The following CADM2 variants were observed in gnomAD, a reference collection of about 807,000 sequenced individuals.
CADM2 encodes the protein cell adhesion molecule 2, also known as immunoglobulin superfamily member 4D.
In CADM2, 12 loss-of-function variants were observed where a neutral mutation model predicts 49.8. The ratio of observed to expected loss-of-function variants is 0.24; its 90% CI spans 0.15 to 0.39. CADM2 has a LOEUF of 0.39. Ranked by LOEUF, CADM2 falls within the 10% of genes least tolerant of loss-of-function variation. CADM2 has a pLI of 1.00. For synonymous variants in CADM2, 214 were observed against 175.4 expected (o/e 1.22, Z -1.74); for missense variants, 378 against 492.3 (o/e 0.77, Z 2.20).
Position 85,681,098 on chromosome 3 carries a change from C to T in CADM2, c.62-45424C>T, listed in dbSNP as rs563205390. Among the ~76,000 whole-genome samples the T allele has an allele frequency of 5.3e-5, 8 of 152,236 alleles. No individual in the cohort carries two copies. The South Asian group carries it at 1.5e-3, about 28-fold the overall frequency. ...TGGACAACTCCTGTAAATAAATACTCAGCATGTCATGAAAAATTCTACCAC... is the reference window on the plus strand; with the variant it reads ...TGGACAACTCCTGTAAATAAATACTTAGCATGTCATGAAAAATTCTACCAC... On this transcript the variant is annotated intron_variant, in intron 1 of 9. Transcript: ENST00000383699.
At chr3:85,543,420 A>ATGTGTGTGGGGGGGGTGTGTGTGTG (rs372108050) in intron 1 of CADM2, among the ~76,000 whole-genome samples, 5 of 129,584 alleles carry the variant, frequency 3.9e-5, no homozygotes. Context: ...TGCCAAGCTA[A>ATGTGTGTGGGGGGGGTGTGTGTGTG]TGTGTGTGTG....
intron 1 of CADM2, among the ~76,000 whole-genome samples, chr3:85,531,708 C>T (rs763144179): frequency 3.4e-4 from 52 of 152,038 alleles, no homozygotes; most frequent in Non-Finnish European, 6.6e-4. Context: ...AAGTTATTTT[C>T]CCCCAGTCTA....
At chr3:85,751,088 G>A (rs1370095216) in intron 2 of CADM2, among the ~76,000 whole-genome samples, 3 of 152,034 alleles carry the variant, frequency 2.0e-5, no homozygotes, top group African/African-American at 7.2e-5. Context: ...GTCAAAATTG[G>A]AGGTCCTAAT....
chr3:85,908,800 C>T (rs1466288753), intron 5 of CADM2, among the ~76,000 whole-genome samples: 3 of 151,472 alleles, frequency 2.0e-5, no homozygotes, highest in African/African-American at 7.3e-5. Context: ...TCTCTGCTCA[C>T]TGCAACCTCC....
chr3:85,717,111 A>G (rs192797423), intron 1 of CADM2, among the ~76,000 whole-genome samples: 2 of 152,248 alleles, frequency 1.3e-5, no homozygotes, highest in African/African-American at 4.8e-5. Flanking sequence ...TATGATATTT[A>G]TTCTTCCTAT....
chr3:85,085,329 G>C (rs1263698596), intron 1 of CADM2, among the ~76,000 whole-genome samples: 1 of 152,060 alleles, frequency 6.6e-6, no homozygotes, highest in East Asian at 1.9e-4. Flanking sequence ...TTCAGTGCCA[G>C]CTTGTTTCAC....
chr3:85,427,051 T>G (rs993028444), intron 1 of CADM2, among the ~76,000 whole-genome samples: 5 of 151,496 alleles, frequency 3.3e-5, no homozygotes, highest in South Asian at 4.2e-4. Flanking sequence ...TTTCCATGTA[T>G]ATGACTAATT....
At chr3:85,058,433 CTT>C (rs1315703307) in intron 1 of CADM2, among the ~76,000 whole-genome samples, 1 of 151,798 alleles carries the variant, frequency 6.6e-6, no homozygotes, top group Non-Finnish European at 1.5e-5. Flanking sequence ...GTTAAAATGA[CTT>C]TCTTTTTTTT....
chr3:85,000,975 C>A (rs2033434227), intron 1 of CADM2, among the ~76,000 whole-genome samples: 1 of 152,048 alleles, frequency 6.6e-6, no homozygotes, highest in African/African-American at 2.4e-5. Flanking sequence ...ATGTTATAAT[C>A]AATGCATTTC....
At chr3:85,428,674 A>G (rs929094060) in intron 1 of CADM2, among the ~76,000 whole-genome samples, 20 of 143,974 alleles carry the variant, frequency 1.4e-4, no homozygotes, top group Non-Finnish European at 3.0e-5. Context: ...ATCATATATA[A>G]TATATCATAT....
intron 8 of CADM2, among the ~76,000 whole-genome samples, chr3:85,973,075 A>C (rs1471625043): frequency 6.6e-6 from 1 of 151,734 alleles, no homozygotes; most frequent in Non-Finnish European, 1.5e-5. Context: ...ATCATCTCAC[A>C]CATGATAAAA....
chr3:85,985,021 A>G (rs1232422879), intron 8 of CADM2, among the ~76,000 whole-genome samples: 1 of 151,990 alleles, frequency 6.6e-6, no homozygotes, highest in Non-Finnish European at 1.5e-5. Flanking sequence ...TATTGACAAA[A>G]CTCACAACAT....
At chr3:85,739,084 T>A (rs1003236338) in intron 2 of CADM2, among the ~76,000 whole-genome samples, 1 of 152,124 alleles carries the variant, frequency 6.6e-6, no homozygotes, top group Non-Finnish European at 1.5e-5. Context: ...AAAATAAACA[T>A]CACCATTTTG....
At chr3:85,497,103 C>T (rs748853388) in intron 1 of CADM2, among the ~76,000 whole-genome samples, 2 of 152,106 alleles carry the variant, frequency 1.3e-5, no homozygotes, top group African/African-American at 2.4e-5. Flanking sequence ...TTTTGGCCTC[C>T]GAAGTGCTGG....
intron 1 of CADM2, among the ~76,000 whole-genome samples, chr3:85,018,529 T>C (rs562434888): frequency 6.6e-6 from 1 of 152,226 alleles, no homozygotes; most frequent in Admixed American, 6.5e-5. Flanking sequence ...AATTTTTGTA[T>C]TTTTCGTAGA....
At chr3:85,972,406 TA>T (rs1371051775) in intron 8 of CADM2, among the ~76,000 whole-genome samples, 3 of 151,746 alleles carry the variant, frequency 2.0e-5, no homozygotes, top group Non-Finnish European at 2.9e-5. Flanking sequence ...ACATCTCCAC[TA>T]ATAACTCTTA....
intron 1 of CADM2, among the ~76,000 whole-genome samples, chr3:85,418,599 A>T (rs2036016863): frequency 6.6e-6 from 1 of 150,784 alleles, no homozygotes; most frequent in South Asian, 2.1e-4. Context: ...ATATTTTTTT[A>T]GGTGTATCAT....
At chr3:85,147,038 C>T (rs2039765929) in intron 1 of CADM2, among the ~76,000 whole-genome samples, 1 of 151,796 alleles carries the variant, frequency 6.6e-6, no homozygotes, top group Admixed American at 6.6e-5. Context: ...TTTGGGAGGC[C>T]GACACGGGCG....
chr3:85,504,201 G>A (rs537691424), intron 1 of CADM2, among the ~76,000 whole-genome samples: 7 of 152,000 alleles, frequency 4.6e-5, no homozygotes, highest in Admixed American at 3.9e-4. Flanking sequence ...TGGCTCAGGA[G>A]TGAAGCTGCA....
Sources: allele counts gnomAD v4.1 joint callset (sites outside exome capture counted in the v4.1 genomes callset), GRCh38; gene constraint gnomAD v4.1.1; transcripts MANE v1.5; gene names NCBI Gene and HGNC (gene_info 2026-07-23, HGNC 2026-07-21).